SLC4A5: variants seen among roughly 807,000 people sequenced by gnomAD.
SLC4A5 encodes electrogenic sodium bicarbonate cotransporter 4.
SLC4A5 carries 96 observed loss-of-function variants against 120.4 expected under a neutral mutation model. The ratio of observed to expected loss-of-function variants is 0.80; its 90% confidence interval spans 0.68 to 0.94. The LOEUF is 0.94. Among genes scored for constraint, SLC4A5 ranks in the 40% least tolerant of loss-of-function variants. The probability of loss-of-function intolerance (pLI) is 0.00; values close to 1 mark genes in which losing one functional copy is unlikely to be tolerated. For missense variants in SLC4A5, 1,259 were observed against 1,459.5 expected (o/e 0.86, Z 2.24); for synonymous variants, 550 against 571.1 (o/e 0.96, Z 0.53).
At position 74,334,343 on chromosome 2, in the gene SLC4A5, C is replaced by T. The variant is rs1172674843; in HGVS notation, c.-220-166G>A. ...GACTCGGCTCACTCTACAGCAGCCA[C>T]GACGCAAGTCTTGCTGTTCCTCTAA... On this transcript the variant is annotated intron_variant, in intron 3 of 30. Transcript: ENST00000394019. 5 of 152,360 alleles carry T rather than the reference C, an allele frequency of 3.3e-5. No individual in the cohort carries two copies. In the East Asian group the frequency reaches 9.6e-4, roughly 29 times the overall value. The allele number at this position is 152,360 out of a possible 1,614,324, so 9.4% of individuals were successfully genotyped here. A position where few individuals can be genotyped will look rare whatever the true frequency, so the allele number is the denominator to read the frequency against.
intron 10 of SLC4A5, among the ~76,000 whole-genome samples, chr2:74,262,438 G>C (rs6725638): frequency 2.7e-5 from 4 of 148,482 alleles, no homozygotes; most frequent in Non-Finnish European, 5.9e-5. Flanking sequence ...GATGGCTCAC[G>C]CCTGTAATCC....
At chr2:74,307,167 A>T (rs563057256) in intron 6 of SLC4A5, 8 of 561,592 alleles carry the variant, frequency 1.4e-5, no homozygotes, top group Non-Finnish European at 2.7e-5. Flanking sequence ...GGCAGACTGC[A>T]TGGTGACCAC....
At chr2:74,248,405 T>C (rs142472185) in exon 18 of SLC4A5, 1 of 1,614,010 alleles carries the variant, frequency 6.2e-7, no homozygotes, top group Non-Finnish European at 8.5e-7. Context: ...CCCGTGCTGC[T>C]GAGAATGATG....
intron 19 of SLC4A5, among the ~76,000 whole-genome samples, chr2:74,244,893 G>A (rs1005014410): frequency 6.6e-6 from 1 of 152,196 alleles, no homozygotes; most frequent in Non-Finnish European, 1.5e-5. Flanking sequence ...AGGCACCTGG[G>A]CAAAGCCAGA....
At chr2:74,258,603 A>T (rs1412210099) in intron 12 of SLC4A5, among the ~76,000 whole-genome samples, 3 of 152,230 alleles carry the variant, frequency 2.0e-5, no homozygotes, top group African/African-American at 7.2e-5. Context: ...GCCTAGGTCA[A>T]ATCAAAGTTC....
chr2:74,303,089 G>T (rs1432575771), intron 7 of SLC4A5, among the ~76,000 whole-genome samples: 1 of 150,602 alleles, frequency 6.6e-6, no homozygotes, highest in Non-Finnish European at 1.5e-5. Flanking sequence ...GTGTGTCTGT[G>T]TATGCCTGTG....
Position 74,281,173 on chromosome 2 carries a change from A to G in SLC4A5, c.401+4600T>C, listed in dbSNP as rs112918750. ...TGCCCTTCCCGGTCACTGCAGGAACATTCTCAGAGCATGTGTCTCATAAGA... is the reference window on the plus strand; with the variant it reads ...TGCCCTTCCCGGTCACTGCAGGAACGTTCTCAGAGCATGTGTCTCATAAGA... On this transcript the variant is annotated intron_variant, in intron 8 of 30. Transcript: ENST00000394019. Among the ~76,000 whole-genome samples, 29 of 152,348 alleles carry G rather than the reference A, an allele frequency of 1.9e-4. 1 individual carries two copies. Among genetic ancestry groups the G allele is most frequent in the African/African-American group, 6.7e-4 (28 of 41,586 alleles).
intron 21 of SLC4A5, among the ~76,000 whole-genome samples, chr2:74,238,447 G>A (rs1272181472): frequency 6.6e-6 from 1 of 152,054 alleles, no homozygotes; most frequent in East Asian, 1.9e-4. Flanking sequence ...AGGACAAAAG[G>A]GGAGAGCTTG....
chr2:74,278,342 C>G (rs1203712619), intron 8 of SLC4A5, among the ~76,000 whole-genome samples: 6 of 152,174 alleles, frequency 3.9e-5, no homozygotes. Context: ...GCCAACTAAT[C>G]TGATTGTACT....
chr2:74,244,609 T>TTTTC (rs1219646768), intron 19 of SLC4A5, among the ~76,000 whole-genome samples: 6 of 152,070 alleles, frequency 3.9e-5, no homozygotes, highest in South Asian at 2.1e-4. Context: ...CTCGCTCTCC[T>TTTTC]TTTCTTTCTT....
chr2:74,280,820 T>G (rs10181813), intron 8 of SLC4A5, among the ~76,000 whole-genome samples: 52,636 of 151,794 alleles, frequency 0.35, 13,091 homozygotes, highest in East Asian at 0.74. Context: ...GAGTAGCTGG[T>G]ATTACAGGCA....
chr2:74,324,804 A>G (rs1673180162), intron 5 of SLC4A5, among the ~76,000 whole-genome samples: 1 of 152,166 alleles, frequency 6.6e-6, no homozygotes, highest in Non-Finnish European at 1.5e-5. Context: ...CATTCCAGCC[A>G]CAGAGACTGG....
chr2:74,312,535 C>A (rs1470465197), intron 6 of SLC4A5, among the ~76,000 whole-genome samples: 2 of 152,074 alleles, frequency 1.3e-5, no homozygotes. Flanking sequence ...TGGCCTGTGT[C>A]TTTATATTTA....
chr2:74,254,757 G>GA (rs781569305), intron 13 of SLC4A5, 51 bp from the exon 14 acceptor site: 1 of 1,318,502 alleles, frequency 7.6e-7, no homozygotes, highest in African/African-American at 1.5e-5. Flanking sequence ...AGAGGAGCAT[G>GA]AAAGTGAGAA....
chr2:74,308,018 G>A (rs373273173), intron 6 of SLC4A5: 14 of 537,568 alleles, frequency 2.6e-5, no homozygotes, highest in African/African-American at 2.5e-4. Context: ...TGCTGTCCGG[G>A]GAGGAGAGTG....
intron 29 of SLC4A5, 110 bp from the exon 30 acceptor site, chr2:74,221,611 C>T (rs1694649491): frequency 9.1e-7 from 1 of 1,102,784 alleles, no homozygotes; most frequent in Admixed American, 1.8e-5. Context: ...AGAGCCAACA[C>T]TATGCAAGAG....
At chr2:74,258,805 C>G (rs889296068) in intron 12 of SLC4A5, among the ~76,000 whole-genome samples, 1 of 152,134 alleles carries the variant, frequency 6.6e-6, no homozygotes, top group East Asian at 1.9e-4. Flanking sequence ...TATTTGTGCC[C>G]GGGACACTGA....
At chr2:74,334,281 AC>A (rs1474550836) in intron 3 of SLC4A5, 104 bp from the exon 4 acceptor site, 1 of 152,114 alleles carries the variant, frequency 6.6e-6, no homozygotes, top group Non-Finnish European at 1.5e-5. Flanking sequence ...TTTCTTCACC[AC>A]CCCTATCTAC....
chr2:74,307,588 C>A lies in SLC4A5; in HGVS notation c.80-2908G>T, dbSNP rs79003008. Reference sequence around the variant, plus strand: ...ATGTGGGCATTGTCCACAGTATTTGCGAAGATCTGAGCGCTCATGTCCTCA... The same window carrying A: ...ATGTGGGCATTGTCCACAGTATTTGAGAAGATCTGAGCGCTCATGTCCTCA... On this transcript the variant is annotated intron_variant, in intron 6 of 30. Transcript: ENST00000394019. 8.2e-5 allele frequency: 58 copies of A among 703,880 alleles called. No individual in the cohort carries two copies. The Middle Eastern group carries it at 8.5e-4, about 10-fold the overall frequency. 43.6% of individuals were successfully genotyped at this position (703,880 alleles called of 1,614,324 possible).
Sources: allele counts gnomAD v4.1 joint callset (sites outside exome capture counted in the v4.1 genomes callset), GRCh38; gene constraint gnomAD v4.1.1; transcripts MANE v1.5; gene names NCBI Gene and HGNC (gene_info 2026-07-23, HGNC 2026-07-21).